FCHO2: variants seen among roughly 807,000 people sequenced by gnomAD.
The protein encoded by FCHO2 is FCH and mu domain containing endocytic adaptor 2.
A neutral mutation model predicts 114.1 loss-of-function variants in FCHO2; 43 were observed. The ratio of observed to expected loss-of-function variants is 0.38; its 90% CI spans 0.30 to 0.49. The LOEUF (loss-of-function observed/expected upper bound fraction) is 0.49. FCHO2 is among the 20% of genes least tolerant of loss of function. The pLI is 0.97. For synonymous variants in FCHO2, 293 were observed against 315.2 expected, an observed-to-expected ratio of 0.93 and a Z score of 0.75; for missense variants, 807 against 950.4, an observed-to-expected ratio of 0.85 and a Z score of 1.98.
chr5:73,052,226 A>C (rs998852930), intron 12 of FCHO2, 106 bp from the exon 13 acceptor site: 3 of 1,183,820 alleles, frequency 2.5e-6, no homozygotes, highest in Non-Finnish European at 3.5e-6. Context: ...CCCGGCCCAA[A>C]GTCTGTGTAA....
chr5:73,017,372 C>A, intron 8 of FCHO2, 64 bp downstream of exon 8: 2 of 1,012,232 alleles, frequency 2.0e-6, no homozygotes, highest in Non-Finnish European at 2.8e-6. Flanking sequence ...AACATATTTG[C>A]CTTGAAGATC....
chr5:72,957,630 G>A (rs556321099), intron 1 of FCHO2, among the ~76,000 whole-genome samples: 6 of 152,218 alleles, frequency 3.9e-5, no homozygotes, highest in Admixed American at 3.9e-4. Context: ...CCCACTTTTG[G>A]GTTATGAATA....
At chr5:73,080,797 A>C (rs915242931) in intron 22 of FCHO2, among the ~76,000 whole-genome samples, 3 of 152,182 alleles carry the variant, frequency 2.0e-5, no homozygotes, top group African/African-American at 7.2e-5. Flanking sequence ...GGAGTAGGAC[A>C]GGGAGACAGT....
chr5:73,072,595 A>C (rs1742710010), intron 19 of FCHO2, among the ~76,000 whole-genome samples: 2 of 152,114 alleles, frequency 1.3e-5, no homozygotes, highest in African/African-American at 2.4e-5. Flanking sequence ...AAATTCTAAC[A>C]TGCTATGATA....
chr5:72,975,430 G>A (rs1036165461), intron 2 of FCHO2, among the ~76,000 whole-genome samples: 2 of 152,058 alleles, frequency 1.3e-5, no homozygotes, highest in African/African-American at 2.4e-5. Context: ...GGATTCAAGC[G>A]ATTCTTGTGC....
At chr5:73,018,436 C>T (rs1250714715) in intron 8 of FCHO2, among the ~76,000 whole-genome samples, 1 of 151,870 alleles carries the variant, frequency 6.6e-6, no homozygotes, top group African/African-American at 2.4e-5. Context: ...TAAATTTTCA[C>T]GTTGACAGAA....
At chr5:72,974,417 T>G (rs1752744648) in intron 2 of FCHO2, among the ~76,000 whole-genome samples, 1 of 149,012 alleles carries the variant, frequency 6.7e-6, no homozygotes, top group Non-Finnish European at 1.5e-5. Flanking sequence ...TTTAGGATAG[T>G]TAACTCTTCT....
intron 18 of FCHO2, among the ~76,000 whole-genome samples, chr5:73,065,039 G>A (rs1036597647): frequency 6.6e-6 from 1 of 151,872 alleles, no homozygotes; most frequent in Admixed American, 6.6e-5. Context: ...TTTGCATGAT[G>A]CCTGTTGGGT....
At chr5:73,053,845 G>T (rs979968108) in intron 13 of FCHO2, among the ~76,000 whole-genome samples, 5 of 152,034 alleles carry the variant, frequency 3.3e-5, no homozygotes, top group Non-Finnish European at 5.9e-5. Context: ...TAGTGAGATT[G>T]TGAATAGTTT....
intron 1 of FCHO2, among the ~76,000 whole-genome samples, chr5:72,963,513 T>C (rs1464304975): frequency 6.6e-6 from 1 of 152,186 alleles, no homozygotes; most frequent in African/African-American, 2.4e-5. Flanking sequence ...TGAATAAGTA[T>C]TCTTTAATAG....
At chr5:73,071,164 T>G (rs1742628187) in intron 19 of FCHO2, among the ~76,000 whole-genome samples, 1 of 152,054 alleles carries the variant, frequency 6.6e-6, no homozygotes, top group Non-Finnish European at 1.5e-5. Flanking sequence ...TAGGATCCAT[T>G]ATATCAAATC....
intron 11 of FCHO2, 200 bp from the exon 12 acceptor site, chr5:73,051,149 A>G: frequency 2.4e-6 from 1 of 419,770 alleles, no homozygotes. Flanking sequence ...TTCCTCTTTC[A>G]GGTAGCCAGA....
chr5:73,037,047 A>G, intron 9 of FCHO2, 96 bp from the exon 10 acceptor site: 2 of 767,228 alleles, frequency 2.6e-6, no homozygotes, highest in Non-Finnish European at 3.9e-6. Flanking sequence ...AGCAGTTATG[A>G]GCAAATTATG....
intron 19 of FCHO2, among the ~76,000 whole-genome samples, chr5:73,071,892 G>C (rs938687723): frequency 2.2e-4 from 34 of 152,118 alleles, no homozygotes; most frequent in African/African-American, 7.9e-4. Flanking sequence ...TTACAGAGTC[G>C]TGTTATGTGC....
chr5:72,988,363 G>A (rs925763772), intron 2 of FCHO2, among the ~76,000 whole-genome samples: 4 of 152,018 alleles, frequency 2.6e-5, no homozygotes, highest in Non-Finnish European at 5.9e-5. Flanking sequence ...GCTTGAATCC[G>A]GGAGGCGGAG....
chr5:72,984,037 CA>C (rs772091812), intron 2 of FCHO2, among the ~76,000 whole-genome samples: 7 of 152,140 alleles, frequency 4.6e-5, no homozygotes, highest in Non-Finnish European at 7.4e-5. Context: ...TTTATGTTCT[CA>C]TCAATTCTTG....
chr5:73,063,349 G>T (rs566929400), intron 17 of FCHO2, among the ~76,000 whole-genome samples: 2 of 144,836 alleles, frequency 1.4e-5, no homozygotes, highest in Non-Finnish European at 3.1e-5. Flanking sequence ...CTCAAATAAT[G>T]TACCCCCCAA....
At chr5:73,007,669 ACT>A (rs1754794603) in intron 6 of FCHO2, among the ~76,000 whole-genome samples, 1 of 152,184 alleles carries the variant, frequency 6.6e-6, no homozygotes, top group Non-Finnish European at 1.5e-5. Flanking sequence ...AATGGCATAG[ACT>A]CTGTTAGGTG....
At position 73,088,971 on chromosome 5, in the gene FCHO2, A is replaced by G. The variant is rs1054090645; in HGVS notation, c.*881A>G. 6.6e-6 allele frequency: 1 copy of G among 152,590 alleles called. No homozygotes were observed. Among genetic ancestry groups the G allele is most frequent in the Non-Finnish European group, 1.5e-5 (1 of 68,018 alleles). The allele number at this position is 152,590 out of a possible 1,614,324, so 9.5% of individuals were successfully genotyped here. ...AATCTTACAGTGATCAAGCATTTTT[A>G]TAAGATATTTGCAATTTTTGTAAAT... On this transcript the variant is annotated 3_prime_UTR_variant, in exon 26 of 26. Transcript: ENST00000430046.
Sources: allele counts gnomAD v4.1 joint callset (sites outside exome capture counted in the v4.1 genomes callset), GRCh38; gene constraint gnomAD v4.1.1; transcripts MANE v1.5; gene names NCBI Gene and HGNC (gene_info 2026-07-23, HGNC 2026-07-21).